RALGAPA2: variants seen among roughly 807,000 people sequenced by gnomAD.
The protein encoded by RALGAPA2 is Ral GTPase activating protein catalytic subunit alpha 2, also known as ral GTPase-activating protein subunit alpha-2.
RALGAPA2 carries 139 observed loss-of-function variants against 230.4 expected under a neutral mutation model. That is an observed-to-expected ratio of 0.60 (90% CI 0.53 to 0.69). The LOEUF (loss-of-function observed/expected upper bound fraction) is 0.69, where lower values mean the gene tolerates loss of function less well. Among genes scored for constraint, RALGAPA2 ranks in the 30% least tolerant of loss-of-function variants. The probability of loss-of-function intolerance (pLI) is 0.00; values close to 1 mark genes in which losing one functional copy is unlikely to be tolerated. For synonymous variants in RALGAPA2, 847 were observed against 837.8 expected (o/e 1.01, Z -0.19); for missense variants, 2,163 against 2,276.0 (o/e 0.95, Z 1.01).
chr20:20,655,969 A>C (rs951870964), intron 3 of RALGAPA2, among the ~76,000 whole-genome samples: 1 of 152,206 alleles, frequency 6.6e-6, no homozygotes, highest in African/African-American at 2.4e-5. Flanking sequence ...GTCAAGTTTG[A>C]TTCTGGACAT....
rs35240382 is a variant in RALGAPA2 at position 20,582,161 on chromosome 20, A to AGTGTGTGTGTGTGTGT, written c.2707+873_2707+888dup. On this transcript the variant is annotated intron_variant, in intron 20 of 39. Transcript: ENST00000202677. Reference sequence around the variant, plus strand: ...GAGGTTGACTTACCCAGTGTCACACAGTGTGTGTGTGTGTGTGTGTGTGTG... The same window carrying AGTGTGTGTGTGTGTGT: ...GAGGTTGACTTACCCAGTGTCACACAGTGTGTGTGTGTGTGTGTGTGTGTGTGTGTGTGTGTGTGTG... Among the ~76,000 whole-genome samples the AGTGTGTGTGTGTGTGT allele has an allele frequency of 2.6e-3, 374 of 146,158 alleles. 2 individuals carry two copies. The highest frequency in any genetic ancestry group is 5.3e-3 in the Admixed American group (78 of 14,616).
At chr20:20,653,115 G>A (rs925272050) in intron 4 of RALGAPA2, among the ~76,000 whole-genome samples, 50 of 139,064 alleles carry the variant, frequency 3.6e-4, no homozygotes, top group African/African-American at 1.2e-3. Flanking sequence ...AGAATCACTT[G>A]AACTCGGGAG....
chr20:20,500,940 G>GAGC (rs764641078), intron 35 of RALGAPA2, among the ~76,000 whole-genome samples: 1 of 152,224 alleles, frequency 6.6e-6, no homozygotes, highest in Non-Finnish European at 1.5e-5. Context: ...CATTGTCAAT[G>GAGC]AGCAGTAATA....
intron 36 of RALGAPA2, among the ~76,000 whole-genome samples, chr20:20,479,267 A>G (rs2061719052): frequency 6.6e-6 from 1 of 152,206 alleles, no homozygotes; most frequent in African/African-American, 2.4e-5. Flanking sequence ...ACAAATAACT[A>G]TTATTTTGGA....
In RALGAPA2 at chr20:20,512,588, G is replaced by A; in HGVS notation, c.4781C>T (p.Pro1594Leu). The A allele has an allele frequency of 6.2e-7, 1 of 1,613,816 alleles. No individual in the cohort carries two copies. Among genetic ancestry groups the A allele is most frequent in the South Asian group, 1.1e-5 (1 of 91,064 alleles). ...MKVTSQGQPS[P>L]VEPRGPFYFC... is the part of the protein sequence containing the mutation. ...ATAAAAGGGTCCTCGGGGCTCCACT[G>A]GGGAGGGCTGCCCTTGGCTGGTGAC... The change falls in exon 32 of 40, where the codon CCA (proline) becomes CTA (leucine). Residue 1594 changes from proline to leucine, a missense_variant. Physicochemically the swap from Pro to Leu is moderately conservative, Grantham distance 98. Transcript: ENST00000202677.
chr20:20,487,532 A>G (rs753193697), intron 36 of RALGAPA2, among the ~76,000 whole-genome samples: 1 of 152,148 alleles, frequency 6.6e-6, no homozygotes, highest in African/African-American at 2.4e-5. Context: ...TCTCCTTCCA[A>G]TTCCAACTTA....
chr20:20,457,221 GC>G (rs2061143445), intron 37 of RALGAPA2, among the ~76,000 whole-genome samples: 1 of 152,166 alleles, frequency 6.6e-6, no homozygotes, highest in Non-Finnish European at 1.5e-5. Flanking sequence ...TGGCAGTAGA[GC>G]CCTCATTTAC....
intron 1 of RALGAPA2, among the ~76,000 whole-genome samples, chr20:20,711,397 G>A (rs773949726): frequency 6.6e-6 from 1 of 152,096 alleles, no homozygotes; most frequent in Non-Finnish European, 1.5e-5. Context: ...TCTTTCCTTC[G>A]CCACCAAATA....
At chr20:20,585,540 A>T (rs144932301) in intron 18 of RALGAPA2, among the ~76,000 whole-genome samples, 11 of 152,340 alleles carry the variant, frequency 7.2e-5, no homozygotes, top group African/African-American at 2.6e-4. Flanking sequence ...AAATAATTAT[A>T]ATGTATATAA....
chr20:20,616,125 T>C lies in RALGAPA2; in HGVS notation c.1606A>G (p.Lys536Glu). Residue 536 changes from lysine (K) to glutamate (E), a missense_variant, in exon 13 of 40, where the codon AAA becomes GAA. Lys to Glu is a moderately conservative substitution (Grantham distance 56, BLOSUM62 1). Coordinates refer to ENST00000202677, the MANE Select transcript of RALGAPA2 (RefSeq NM_020343.4). ...EPCAEVPVLLKEQVDACKAVL... is the reference protein window; with the variant it reads ...EPCAEVPVLLEEQVDACKAVL... ...GCTTTACAAGCATCAACTTGTTCTTTCAAGAGCACAGGAACTTCAGCACAT... is the reference window on the plus strand; with the variant it reads ...GCTTTACAAGCATCAACTTGTTCTTCCAAGAGCACAGGAACTTCAGCACAT... 6 of 1,556,452 alleles carry C rather than the reference T, an allele frequency of 3.9e-6. No individual in the cohort carries two copies. Among genetic ancestry groups the C allele is most frequent in the Non-Finnish European group, 5.2e-6 (6 of 1,149,956 alleles).
intron 23 of RALGAPA2, among the ~76,000 whole-genome samples, chr20:20,559,010 A>G (rs924848063): frequency 6.6e-6 from 1 of 152,166 alleles, no homozygotes; most frequent in Non-Finnish European, 1.5e-5. Flanking sequence ...ACAACAAAAA[A>G]TGATTTCTGT....
chr20:20,541,551 A>G (rs1156343379), intron 24 of RALGAPA2, among the ~76,000 whole-genome samples: 1 of 152,190 alleles, frequency 6.6e-6, no homozygotes, highest in Non-Finnish European at 1.5e-5. Context: ...GGTAGCAGAT[A>G]CCACGTGGAT....
chr20:20,497,268 C>A (rs1306840470), intron 35 of RALGAPA2, among the ~76,000 whole-genome samples: 1 of 152,114 alleles, frequency 6.6e-6, no homozygotes, highest in African/African-American at 2.4e-5. Context: ...TCCTAAAATT[C>A]AGTCCTTTTG....
chr20:20,479,004 C>T (rs932980135), intron 36 of RALGAPA2, among the ~76,000 whole-genome samples: 6 of 151,480 alleles, frequency 4.0e-5, no homozygotes, highest in South Asian at 2.1e-4. Flanking sequence ...AGAAAATATA[C>T]GTAGCTTTAT....
At position 20,639,843 on chromosome 20, in the gene RALGAPA2, A is replaced by G. The variant is rs768883986; in HGVS notation, c.608T>C (p.Ile203Thr). 4 of 1,613,722 alleles carry G rather than the reference A, an allele frequency of 2.5e-6. No individual in the cohort carries two copies. Among genetic ancestry groups the G allele is most frequent in the Non-Finnish European group, 3.4e-6 (4 of 1,179,728 alleles). ...PLLPAISGEK[I>T]AEDQTCFFLQ... ...AAAAAAGCAGGTTTGGTCCTCAGCAATCTTCTCCCCTGATATGGCTGGTAG... is the reference window on the plus strand; with the variant it reads ...AAAAAAGCAGGTTTGGTCCTCAGCAGTCTTCTCCCCTGATATGGCTGGTAG... The change falls in exon 7 of 40, where the codon ATT (isoleucine) becomes ACT (threonine). Residue 203 changes from isoleucine to threonine, a missense_variant. Ile to Thr is a moderately conservative substitution (Grantham distance 89, BLOSUM62 -1). Coordinates refer to ENST00000202677, the MANE Select transcript of RALGAPA2 (RefSeq NM_020343.4).
At chr20:20,413,580 T>C (rs1192449350) in intron 37 of RALGAPA2, among the ~76,000 whole-genome samples, 2 of 152,200 alleles carry the variant, frequency 1.3e-5, no homozygotes, top group African/African-American at 2.4e-5. Flanking sequence ...CACCTTGCTA[T>C]ATTTTAAGCA....
At chr20:20,412,752 AGAC>A (rs1021573265) in intron 37 of RALGAPA2, among the ~76,000 whole-genome samples, 2 of 152,216 alleles carry the variant, frequency 1.3e-5, no homozygotes, top group African/African-American at 4.8e-5. Context: ...TAAAAAAAAA[AGAC>A]TACTGCCTTT....
At chr20:20,465,171 A>ACACACACG (rs1462843467) in intron 37 of RALGAPA2, among the ~76,000 whole-genome samples, 54 of 149,788 alleles carry the variant, frequency 3.6e-4, no homozygotes, top group Admixed American at 1.5e-3. Flanking sequence ...ACACACACAC[A>ACACACACG]CACACACACA....
At chr20:20,477,815 T>C (rs2061686684) in intron 36 of RALGAPA2, among the ~76,000 whole-genome samples, 1 of 152,282 alleles carries the variant, frequency 6.6e-6, no homozygotes, top group Non-Finnish European at 1.5e-5. Flanking sequence ...CTCGACTTCC[T>C]GGCCTCAAGT....
Sources: gnomAD v4.1 joint callset for allele counts (sites outside exome capture counted in the v4.1 genomes callset) on GRCh38, gnomAD v4.1.1 for gene constraint, MANE v1.5 for transcripts, NCBI Gene and HGNC (gene_info 2026-07-23, HGNC 2026-07-21) for gene names.